Variants in CADM2 observed in about 807,000 individuals in gnomAD.
CADM2 encodes cell adhesion molecule 2, also known as immunoglobulin superfamily member 4D.
Under a neutral mutation model 49.8 loss-of-function variants are expected in CADM2, and 12 were observed. The observed-to-expected ratio is 0.24, with a 90% CI of 0.15 to 0.39. CADM2 has a LOEUF of 0.39. CADM2 is among the 10% of genes least tolerant of loss of function. The probability of loss-of-function intolerance (pLI) is 1.00; values close to 1 mark genes in which losing one functional copy is unlikely to be tolerated. For synonymous variants in CADM2, 214 were observed against 175.4 expected (o/e 1.22, Z -1.74); for missense variants, 378 against 492.3 (o/e 0.77, Z 2.20).
At chr3:85,596,768 G>T (rs2063253537) in intron 1 of CADM2, among the ~76,000 whole-genome samples, 1 of 152,074 alleles carries the variant, frequency 6.6e-6, no homozygotes, top group African/African-American at 2.4e-5. Flanking sequence ...CCATGCTGGA[G>T]TGCAGTGGCC....
At chr3:85,309,366 T>C (rs2044288728) in intron 1 of CADM2, among the ~76,000 whole-genome samples, 2 of 152,234 alleles carry the variant, frequency 1.3e-5, no homozygotes, top group East Asian at 1.9e-4. Context: ...AGGCAGGTTG[T>C]TTGGATTCAA....
At chr3:85,142,027 T>G (rs2039592376) in intron 1 of CADM2, among the ~76,000 whole-genome samples, 1 of 152,204 alleles carries the variant, frequency 6.6e-6, no homozygotes, top group South Asian at 2.1e-4. Context: ...AGAACCCACA[T>G]CAGTTTATCC....
At chr3:85,803,856 A>G (rs1029849217) in intron 3 of CADM2, among the ~76,000 whole-genome samples, 1 of 152,168 alleles carries the variant, frequency 6.6e-6, no homozygotes, top group African/African-American at 2.4e-5. Context: ...TGTTTAACCA[A>G]ACATCTGGGA....
At chr3:85,774,301 C>T (rs534634733) in intron 2 of CADM2, among the ~76,000 whole-genome samples, 33 of 151,754 alleles carry the variant, frequency 2.2e-4, no homozygotes, top group African/African-American at 7.7e-4. Flanking sequence ...ATGTTGATAG[C>T]CTACAGATAT....
chr3:85,152,686 G>A (rs1359261143), intron 1 of CADM2, among the ~76,000 whole-genome samples: 6 of 152,040 alleles, frequency 3.9e-5, no homozygotes, highest in African/African-American at 7.2e-5. Context: ...GGCTGGGCAC[G>A]GTGGCTCACG....
At chr3:86,032,395 G>A (rs1734659165) in intron 8 of CADM2, among the ~76,000 whole-genome samples, 1 of 151,754 alleles carries the variant, frequency 6.6e-6, no homozygotes. Context: ...TATAAACTAG[G>A]CCTTTAAAGG....
chr3:85,189,207 A>T (rs1307414835), intron 1 of CADM2, among the ~76,000 whole-genome samples: 3 of 152,042 alleles, frequency 2.0e-5, no homozygotes, highest in Non-Finnish European at 4.4e-5. Flanking sequence ...AAGTGGAGCC[A>T]TGTAGGATAT....
intron 1 of CADM2, among the ~76,000 whole-genome samples, chr3:85,496,707 A>G (rs2039917169): frequency 6.6e-6 from 1 of 151,986 alleles, no homozygotes; most frequent in South Asian, 2.1e-4. Flanking sequence ...TGCATTTGTT[A>G]TTTTTTGATA....
chr3:85,052,757 C>T (rs2035931589), intron 1 of CADM2, among the ~76,000 whole-genome samples: 1 of 151,966 alleles, frequency 6.6e-6, no homozygotes, highest in Non-Finnish European at 1.5e-5. Flanking sequence ...ACTTTTAAAA[C>T]ATGTATTTCA....
intron 1 of CADM2, among the ~76,000 whole-genome samples, chr3:85,111,324 A>C (rs1394099014): frequency 6.6e-6 from 1 of 151,838 alleles, no homozygotes; most frequent in East Asian, 1.9e-4. Flanking sequence ...AAAGTTAAAA[A>C]ATACTGGCTT....
At chr3:85,066,416 C>G (rs2036532039) in intron 1 of CADM2, among the ~76,000 whole-genome samples, 1 of 151,606 alleles carries the variant, frequency 6.6e-6, no homozygotes, top group Admixed American at 6.6e-5. Context: ...CTATGATATT[C>G]AGTCATATTC....
chr3:85,379,540 A>G (rs1679826310), intron 1 of CADM2, among the ~76,000 whole-genome samples: 2 of 151,938 alleles, frequency 1.3e-5, no homozygotes, highest in African/African-American at 4.8e-5. Context: ...AACTCTCCAA[A>G]CATTGCATTT....
chr3:85,929,374 A>G (rs562010675), intron 6 of CADM2, among the ~76,000 whole-genome samples: 2 of 152,222 alleles, frequency 1.3e-5, no homozygotes, highest in African/African-American at 2.4e-5. Flanking sequence ...AAGAAAATCT[A>G]TAATTAACTT....
At chr3:85,399,557 A>T (rs912107948) in intron 1 of CADM2, among the ~76,000 whole-genome samples, 5 of 152,118 alleles carry the variant, frequency 3.3e-5, no homozygotes, top group Admixed American at 3.3e-4. Context: ...AATCTATAAC[A>T]TACCTTGGGC....
At chr3:85,943,116 G>A (rs1460225505) in intron 7 of CADM2, among the ~76,000 whole-genome samples, 2 of 151,470 alleles carry the variant, frequency 1.3e-5, no homozygotes, top group Non-Finnish European at 2.9e-5. Flanking sequence ...TGTGTTTTTT[G>A]GCTGCATAAA....
intron 3 of CADM2, among the ~76,000 whole-genome samples, chr3:85,843,958 C>G (rs957619717): frequency 6.6e-6 from 1 of 151,960 alleles, no homozygotes; most frequent in African/African-American, 2.4e-5. Context: ...ATTACTAGCA[C>G]CCAGGGAGTG....
chr3:85,272,110 C>T (rs1372552365), intron 1 of CADM2, among the ~76,000 whole-genome samples: 3 of 150,926 alleles, frequency 2.0e-5, no homozygotes, highest in African/African-American at 7.3e-5. Context: ...GGGTTTGCTG[C>T]TAATGATCCA....
In CADM2 at chr3:85,964,057, T is replaced by A. The variant is rs147277039; in HGVS notation, c.970+2410T>A. On this transcript the variant is annotated intron_variant, in intron 8 of 9. Coordinates refer to ENST00000383699, the MANE Select transcript of CADM2 (RefSeq NM_001167675.2). ...TAAAGGTTTTTTCCCCTTTGCACGC[T>A]GGGTATAATGTTTCATTAGTCACTA... Among the ~76,000 whole-genome samples the A allele has an allele frequency of 7.8e-3, 1,179 of 151,956 alleles. 11 individuals are homozygous for A. The highest frequency in any genetic ancestry group is 0.026 in the African/African-American group (1,079 of 41,512).
At chr3:85,262,978 TTTTC>T (rs112172844) in intron 1 of CADM2, among the ~76,000 whole-genome samples, 22 of 150,930 alleles carry the variant, frequency 1.5e-4, no homozygotes, top group African/African-American at 2.5e-4. Context: ...GTATTTATCT[TTTTC>T]TTTCTTTCTT....
Sources: allele counts gnomAD v4.1 joint callset (sites outside exome capture counted in the v4.1 genomes callset), GRCh38; gene constraint gnomAD v4.1.1; transcripts MANE v1.5; gene names NCBI Gene and HGNC (gene_info 2026-07-23, HGNC 2026-07-21).